GP6: variants seen among roughly 807,000 people sequenced by gnomAD.
GP6 encodes the protein glycoprotein VI platelet.
In GP6, 45 loss-of-function variants were observed where a neutral mutation model predicts 37.3. The ratio of observed to expected loss-of-function variants is 1.21; its 90% confidence interval spans 0.95 to 1.55. The LOEUF is 1.55. Ranked by LOEUF, GP6 falls within the 40% of genes most tolerant of loss-of-function variation. The probability of loss-of-function intolerance (pLI) is 0.00; values close to 1 mark genes in which losing one functional copy is unlikely to be tolerated. For missense variants in GP6, 813 were observed against 760.2 expected, an observed-to-expected ratio of 1.07 and a Z score of -0.82; for synonymous variants, 340 against 316.4, an observed-to-expected ratio of 1.07 and a Z score of -0.79.
chr19:55,029,354 ATATATATATATATATATATATTTTTTTT>A (rs2074460321), intron 3 of GP6, among the ~76,000 whole-genome samples: 9 of 2,580 alleles, frequency 3.5e-3, no homozygotes, highest in African/African-American at 7.6e-3. Flanking sequence ...ATATATATAT[ATATATATATATATATATATATTTTTTTT>A]TTTTTTTTTT....
At chr19:55,024,088 C>T (rs977267658) in intron 5 of GP6, among the ~76,000 whole-genome samples, 5 of 152,244 alleles carry the variant, frequency 3.3e-5, no homozygotes, top group Admixed American at 3.3e-4. Context: ...CTACTTTATG[C>T]CAATGTCAAA....
At chr19:55,024,269 CACGCATGCACACACACACAT>C (rs1447511502) in intron 5 of GP6, among the ~76,000 whole-genome samples, 55 of 95,492 alleles carry the variant, frequency 5.8e-4, no homozygotes, top group African/African-American at 2.0e-3. Flanking sequence ...CACACATATG[CACGCATGCACACACACACAT>C]ATGCACGCAT....
In GP6 at chr19:55,014,861, T is replaced by G; in HGVS notation, c.1084A>C (p.Lys362Gln). Residue 362 changes from lysine to glutamine, a missense_variant, in exon 8 of 8, where the codon AAA becomes CAA. Coordinates refer to ENST00000310373, the MANE Select transcript of GP6 (RefSeq NM_001083899.2). ...TCCACGCTCCACACACGCCAGTCTTTGAGTCGCCTCCCATGCCATGATCCC... is the reference window on the plus strand; with the variant it reads ...TCCACGCTCCACACACGCCAGTCTTGGAGTCGCCTCCCATGCCATGATCCC... The G allele has an allele frequency of 6.2e-7, 1 of 1,614,040 alleles. No homozygotes were observed. Among genetic ancestry groups the G allele is most frequent in the Admixed American group, 1.7e-5 (1 of 60,020 alleles).
chr19:55,032,720 T>G, intron 1 of GP6, 182 bp from the exon 2 acceptor site: 1 of 709,226 alleles, frequency 1.4e-6, no homozygotes, highest in East Asian at 2.7e-5. Context: ...ACATAGTTTA[T>G]GAGGTCATTT....
rs1210108089 is a variant in GP6, at chr19:55,027,679, A to C, written c.509T>G (p.Val170Gly). The C allele has an allele frequency of 6.2e-7, 1 of 1,612,842 alleles. No homozygotes were observed. ...GTAGGTTCCGCTGTGGGCGGCGGTCACCGTGATGATGGGAAAACTAGCCCT... is the reference window on the plus strand; with the variant it reads ...GTAGGTTCCGCTGTGGGCGGCGGTCCCCGTGATGATGGGAAAACTAGCCCT... The change falls in exon 4 of 8, where the codon GTG (valine) becomes GGG (glycine). Residue 170 changes from valine (V) to glycine (G), a missense_variant. Transcript: ENST00000310373.
At chr19:55,032,889 G>GGGCTC in intron 1 of GP6, 1 of 378,322 alleles carries the variant, frequency 2.6e-6, no homozygotes, top group African/African-American at 2.3e-5. Context: ...TAGACACGGT[G>GGGCTC]GACTCGTTCG....
intron 3 of GP6, among the ~76,000 whole-genome samples, chr19:55,029,329 T>C (rs1433481047): frequency 1.3e-3 from 1 of 746 alleles, no homozygotes; most frequent in Admixed American, 0.012. Context: ...TATATATATA[T>C]ATATATATAT....
chr19:55,035,857 G>A (rs569708902), intron 1 of GP6, among the ~76,000 whole-genome samples: 2 of 151,188 alleles, frequency 1.3e-5, no homozygotes, highest in Admixed American at 1.3e-4. Flanking sequence ...GGTGGATCAC[G>A]AGGTCAAGAG....
intron 3 of GP6, among the ~76,000 whole-genome samples, chr19:55,030,014 A>G (rs2074501011): frequency 6.6e-6 from 1 of 152,196 alleles, no homozygotes; most frequent in African/African-American, 2.4e-5. Context: ...AAATTTAATT[A>G]TTCCCAAACA....
chr19:55,030,753 G>A (rs895448382), intron 3 of GP6, among the ~76,000 whole-genome samples: 19 of 152,212 alleles, frequency 1.2e-4, no homozygotes, highest in Non-Finnish European at 2.2e-4. Context: ...GGCCCTGGAC[G>A]GGGTCTGGGA....
intron 5 of GP6, among the ~76,000 whole-genome samples, chr19:55,021,050 TAAAAAAA>T (rs60477411): frequency 1.9e-4 from 20 of 107,710 alleles, no homozygotes; most frequent in African/African-American, 6.4e-4. Context: ...AGACTCTGTT[TAAAAAAA>T]AAAAAAAAAA....
rs772083213 is a variant in GP6 at position 55,015,125 on chromosome 19, C to G, written c.820G>C (p.Asp274His). Reference sequence around the variant, plus strand: ...TTAGGATCACAGCCCCGAGGCATATCCGGACCAGGTTGCCCTTGGTGTAGT... The same window carrying G: ...TTAGGATCACAGCCCCGAGGCATATGCGGACCAGGTTGCCCTTGGTGTAGT... Residue 274 changes from aspartate (D) to histidine (H), a missense_variant, in exon 8 of 8, where the codon GAT becomes CAT. Coordinates refer to ENST00000310373, the MANE Select transcript of GP6 (RefSeq NM_001083899.2). 5 of 1,579,506 alleles carry G rather than the reference C, an allele frequency of 3.2e-6. No individual in the cohort carries two copies. Among genetic ancestry groups the G allele is most frequent in the Non-Finnish European group, 4.3e-6 (5 of 1,162,550 alleles).
chr19:55,017,166 G>C (rs2073907527), intron 6 of GP6, among the ~76,000 whole-genome samples: 1 of 151,176 alleles, frequency 6.6e-6, no homozygotes, highest in African/African-American at 2.4e-5. Context: ...GCCCAGGCTG[G>C]AGTGCTGTGG....
intron 1 of GP6, among the ~76,000 whole-genome samples, chr19:55,037,689 A>G (rs538418253): frequency 3.0e-5 from 3 of 100,902 alleles, no homozygotes; most frequent in African/African-American, 7.2e-5. Flanking sequence ...CTGGAGTGCA[A>G]TGCCTGACCT....
intron 3 of GP6, among the ~76,000 whole-genome samples, chr19:55,031,569 T>C (rs569654897): frequency 6.6e-6 from 1 of 152,360 alleles, no homozygotes; most frequent in African/African-American, 2.4e-5. Context: ...TTCTGGTTTT[T>C]TTCATTGTGG....
rs368555743 is a variant in GP6 at position 55,025,251 on chromosome 19, G to C, written c.631C>G (p.Arg211Gly). 6.5e-7 allele frequency: 1 copy of C among 1,548,148 alleles called. No homozygotes were observed. Among genetic ancestry groups the C allele is most frequent in the African/African-American group, 1.4e-5 (1 of 73,110 alleles). The change falls in exon 5 of 8, where the codon CGG (arginine) becomes GGG (glycine). Residue 211 changes from arginine to glycine, a missense_variant. Arg to Gly is a moderately radical substitution (Grantham distance 125). Transcript: ENST00000310373. ...GGGGAAGGTGGTTCTGTTGGTAACCGGCTGGGGGTCACAGAGGTTCCTGGG... is the reference window on the plus strand; with the variant it reads ...GGGGAAGGTGGTTCTGTTGGTAACCCGCTGGGGGTCACAGAGGTTCCTGGG...
At chr19:55,029,686 G>A (rs11670681) in intron 3 of GP6, among the ~76,000 whole-genome samples, 78,498 of 148,586 alleles carry the variant, frequency 0.53, 21,385 homozygotes, top group East Asian at 0.62. Context: ...CACCGTGCCC[G>A]ACCAGGAATT....
Position 55,016,907 on chromosome 19 carries a change from A to T in GP6, c.725-1174T>A, listed in dbSNP as rs193138901. ...CCCGTCTTTACTAAAAATACAAAAAATAGCTGGGCATGGTGGCACACACCT... is the reference window on the plus strand; with the variant it reads ...CCCGTCTTTACTAAAAATACAAAAATTAGCTGGGCATGGTGGCACACACCT... On this transcript the variant is annotated intron_variant, in intron 6 of 7. Coordinates refer to ENST00000310373, the MANE Select transcript of GP6 (RefSeq NM_001083899.2). Among the ~76,000 whole-genome samples, 1,133 of 151,864 alleles carry T rather than the reference A, an allele frequency of 7.5e-3. 12 individuals are homozygous for T. Among genetic ancestry groups the T allele is most frequent in the African/African-American group, 0.026 (1,094 of 41,450 alleles).
chr19:55,014,988 GTC>G lies in GP6; in HGVS notation c.955_956del (p.Asp319ProfsTer25). The G allele has an allele frequency of 6.2e-7, 1 of 1,613,434 alleles. No homozygotes were observed. Among genetic ancestry groups the G allele is most frequent in the Non-Finnish European group, 8.5e-7 (1 of 1,179,830 alleles). ...ATCCTGACCCCCGTTTGATTTCCGGGTCAGCGGGAGGGGCGGGAGGGGCGGAA... is the reference window on the plus strand; with the variant it reads ...ATCCTGACCCCCGTTTGATTTCCGGGAGCGGGAGGGGCGGGAGGGGCGGAA... On this transcript the variant is annotated frameshift_variant, in exon 8 of 8. Coordinates refer to ENST00000310373, the MANE Select transcript of GP6 (RefSeq NM_001083899.2). LOFTEE classifies it low-confidence loss of function (END_TRUNC).
Sources: gnomAD v4.1 joint callset for allele counts (sites outside exome capture counted in the v4.1 genomes callset) on GRCh38, gnomAD v4.1.1 for gene constraint, MANE v1.5 for transcripts, NCBI Gene and HGNC (gene_info 2026-07-23, HGNC 2026-07-21) for gene names.